The following GRID1 variants were observed in gnomAD, a reference collection of about 807,000 sequenced individuals.
The protein encoded by GRID1 is glutamate ionotropic receptor delta type subunit 1, also known as glutamate receptor ionotropic, delta-1.
A neutral mutation model predicts 98.0 loss-of-function variants in GRID1; 28 were observed. The ratio of observed to expected loss-of-function variants is 0.29; its 90% confidence interval spans 0.21 to 0.39. GRID1 has a LOEUF of 0.39. Ranked by LOEUF, GRID1 falls within the 10% of genes least tolerant of loss-of-function variation. The pLI is 1.00. For synonymous variants in GRID1, 553 were observed against 538.5 expected, an observed-to-expected ratio of 1.03 and a Z score of -0.37; for missense variants, 1,111 against 1,340.5, an observed-to-expected ratio of 0.83 and a Z score of 2.67.
chr10:85,887,249 A>G (rs1054512469), intron 5 of GRID1, among the ~76,000 whole-genome samples: 22 of 152,276 alleles, frequency 1.4e-4, no homozygotes, highest in Admixed American at 1.4e-3. Context: ...CCTGAGTAGG[A>G]AGAGAGGGTG....
At chr10:86,168,385 G>A (rs549755184) in intron 3 of GRID1, among the ~76,000 whole-genome samples, 100 of 152,128 alleles carry the variant, frequency 6.6e-4, no homozygotes, top group African/African-American at 2.1e-3. Flanking sequence ...AGTGAAACTC[G>A]CCCGCCCTCG....
intron 4 of GRID1, among the ~76,000 whole-genome samples, chr10:86,107,067 T>C (rs988513066): frequency 1.3e-5 from 2 of 152,174 alleles, no homozygotes; most frequent in Non-Finnish European, 2.9e-5. Flanking sequence ...AAATCCTGCA[T>C]GACAAGTCTA....
chr10:85,883,415 C>G (rs920353315), intron 5 of GRID1, among the ~76,000 whole-genome samples: 1 of 152,034 alleles, frequency 6.6e-6, no homozygotes, highest in South Asian at 2.1e-4. Flanking sequence ...TCTGATTAAA[C>G]TGCACTTTAT....
At chr10:85,607,143 G>T (rs1036767460) in intron 15 of GRID1, 4 of 152,194 alleles carry the variant, frequency 2.6e-5, no homozygotes, top group Admixed American at 2.6e-4. Flanking sequence ...GCATTGTCTT[G>T]CAGAGATAAA....
intron 5 of GRID1, among the ~76,000 whole-genome samples, chr10:85,907,646 AG>A (rs1475342420): frequency 6.6e-6 from 1 of 152,228 alleles, no homozygotes; most frequent in Non-Finnish European, 1.5e-5. Context: ...AAACTGTAAA[AG>A]AGAGAATACT....
At chr10:85,686,786 AT>A (rs1337879293) in intron 12 of GRID1, among the ~76,000 whole-genome samples, 1 of 151,922 alleles carries the variant, frequency 6.6e-6, no homozygotes, top group Non-Finnish European at 1.5e-5. Flanking sequence ...ATTACTTTTA[AT>A]TTTTTTCACA....
intron 4 of GRID1, among the ~76,000 whole-genome samples, chr10:85,971,717 A>T (rs1487433294): frequency 6.6e-6 from 1 of 152,164 alleles, no homozygotes; most frequent in African/African-American, 2.4e-5. Context: ...AATGTAGAGT[A>T]TCTGAAACTT....
At chr10:86,127,730 C>T (rs1030641475) in intron 4 of GRID1, among the ~76,000 whole-genome samples, 2 of 152,282 alleles carry the variant, frequency 1.3e-5, no homozygotes, top group African/African-American at 4.8e-5. Flanking sequence ...CCTCACTTGG[C>T]TCTGTGAGCT....
At chr10:85,706,848 A>G (rs950039165) in intron 12 of GRID1, among the ~76,000 whole-genome samples, 1 of 152,236 alleles carries the variant, frequency 6.6e-6, no homozygotes, top group African/African-American at 2.4e-5. Flanking sequence ...CCTGACAAAA[A>G]CAAGTAATGG....
chr10:85,933,556 G>A (rs1214129743), intron 4 of GRID1, among the ~76,000 whole-genome samples: 4 of 152,148 alleles, frequency 2.6e-5, no homozygotes, highest in African/African-American at 7.2e-5. Flanking sequence ...GATAAAACAA[G>A]GAATTCTCTG....
At chr10:85,688,451 T>G (rs1349724315) in intron 12 of GRID1, among the ~76,000 whole-genome samples, 1 of 152,186 alleles carries the variant, frequency 6.6e-6, no homozygotes, top group Non-Finnish European at 1.5e-5. Context: ...TGGCCTCAAG[T>G]GACCCACATG....
chr10:86,268,212 C>T (rs1847133772), intron 2 of GRID1, among the ~76,000 whole-genome samples: 1 of 152,174 alleles, frequency 6.6e-6, no homozygotes, highest in Non-Finnish European at 1.5e-5. Flanking sequence ...CCGGTATGCT[C>T]CCCAACTCCT....
At position 86,145,380 on chromosome 10, in the gene GRID1, G is replaced by A. The variant is rs764661142; in HGVS notation, c.521-6356C>T. ...TGGGATTACAGACACCCGCCACCAC[G>A]CCCGGCTCATTTTTGTATTTTTTGT... On this transcript the variant is annotated intron_variant, in intron 3 of 15. Transcript: ENST00000327946. 1.1e-3 allele frequency among the ~76,000 whole-genome samples: 162 copies of A among 152,182 alleles called. 1 individual carries two copies. The highest frequency in any genetic ancestry group is 3.5e-3 in the African/African-American group (146 of 41,520).
chr10:85,908,295 A>T (rs1011138434), intron 5 of GRID1, among the ~76,000 whole-genome samples: 1 of 152,174 alleles, frequency 6.6e-6, no homozygotes, highest in Non-Finnish European at 1.5e-5. Context: ...AATCTAATGG[A>T]ATCTATGAAA....
intron 8 of GRID1, among the ~76,000 whole-genome samples, chr10:85,817,015 G>A (rs1842722208): frequency 6.6e-6 from 1 of 152,106 alleles, no homozygotes; most frequent in African/African-American, 2.4e-5. Flanking sequence ...GCTCTATGTT[G>A]CTGCAAAGGA....
intron 8 of GRID1, among the ~76,000 whole-genome samples, chr10:85,730,079 G>C (rs182955187): frequency 3.2e-4 from 49 of 152,338 alleles, no homozygotes; most frequent in Admixed American, 2.4e-3. Context: ...TGTACAGCTT[G>C]TCTTGCACCC....
At chr10:86,343,327 A>G (rs1268200477) in intron 2 of GRID1, among the ~76,000 whole-genome samples, 2 of 152,244 alleles carry the variant, frequency 1.3e-5, no homozygotes, top group Non-Finnish European at 2.9e-5. Context: ...CCATTAACTC[A>G]CAGAGATGGT....
chr10:85,795,824 T>C (rs1053709901), intron 8 of GRID1, among the ~76,000 whole-genome samples: 1 of 152,138 alleles, frequency 6.6e-6, no homozygotes, highest in African/African-American at 2.4e-5. Context: ...GGTAGAACAA[T>C]GCACACAACA....
At position 86,135,572 on chromosome 10, in the gene GRID1, T is replaced by A. The variant is rs1275993549; in HGVS notation, c.726+3247A>T. Among the ~76,000 whole-genome samples, 4 of 151,840 alleles carry A rather than the reference T, an allele frequency of 2.6e-5. No homozygotes were observed. In the East Asian group the frequency reaches 7.8e-4, roughly 30 times the overall value. On this transcript the variant is annotated intron_variant, in intron 4 of 15. Transcript: ENST00000327946. Reference sequence around the variant, plus strand: ...GAGGCCTCAGAGGATGAATGTGGAATAAAGACTGAGCGAGGGATGTGAGGG... The same window carrying A: ...GAGGCCTCAGAGGATGAATGTGGAAAAAAGACTGAGCGAGGGATGTGAGGG...
Sources: gnomAD v4.1 joint callset for allele counts (sites outside exome capture counted in the v4.1 genomes callset) on GRCh38, gnomAD v4.1.1 for gene constraint, MANE v1.5 for transcripts, NCBI Gene and HGNC (gene_info 2026-07-23, HGNC 2026-07-21) for gene names.